The following KANTR variants were observed in gnomAD, a reference collection of about 807,000 sequenced individuals.
KANTR encodes KDM5C adjacent transcript.
intron 2 of KANTR, among the ~76,000 whole-genome samples, chrX:53,115,069 G>A (rs1259429819): frequency 4.5e-5 from 5 of 112,231 alleles, no homozygotes; most frequent in African/African-American, 6.5e-5. Context: ...CTGAAGGGTG[G>A]GGCCACAGAG....
chrX:53,147,516 A>G (rs1444252692), downstream of KANTR, among the ~76,000 whole-genome samples: 33 of 111,288 alleles, frequency 3.0e-4, no homozygotes, highest in Middle Eastern at 4.7e-3. Flanking sequence ...CACAATAATA[A>G]TGGGAGACTT....
At chrX:53,127,187 C>G (rs782224387) in exon 3 of KANTR, 1 of 112,389 alleles carries the variant, frequency 8.9e-6, no homozygotes, top group Non-Finnish European at 1.9e-5. Context: ...GTTTCCTGAT[C>G]AACATATCTA....
Position 53,134,383 on chromosome X carries a change from C to T in KANTR, n.204-7465C>T, listed in dbSNP as rs73490256. 2.6e-3 allele frequency among the ~76,000 whole-genome samples: 292 copies of T among 110,307 alleles called. 1 individual carries two copies. Among genetic ancestry groups the T allele is most frequent in the African/African-American group, 9.0e-3 (273 of 30,311 alleles). ...GTCTCAAAAAAAAAAAAAATTTTTC[C>T]GCAAAAATCGAGGAAATGAGAACAT... On this transcript the variant is annotated intron_variant and non_coding_transcript_variant, in intron 2 of 2. Transcript: ENST00000366185.
At chrX:53,128,223 T>C (rs1419947993), downstream of KANTR, among the ~76,000 whole-genome samples, 2 of 111,578 alleles carry the variant, frequency 1.8e-5, no homozygotes, top group African/African-American at 3.3e-5. Flanking sequence ...ATAAGTTCAG[T>C]TGAGCAAAAT....
chrX:53,127,007 TCTC>T (rs1933298047), exon 3 of KANTR: 1 of 111,376 alleles, frequency 9.0e-6, no homozygotes, highest in African/African-American at 3.3e-5. Context: ...CACTCACTCT[TCTC>T]CAGCTACACT....
chrX:53,144,166 G>C (rs1199123161), downstream of KANTR, among the ~76,000 whole-genome samples: 1 of 111,723 alleles, frequency 9.0e-6, no homozygotes, highest in Admixed American at 9.5e-5. Flanking sequence ...AGGCCGAGGA[G>C]GGTGGATTAG....
chrX:53,130,126 C>T (rs1471585744), downstream of KANTR, among the ~76,000 whole-genome samples: 1 of 111,648 alleles, frequency 9.0e-6, no homozygotes, highest in African/African-American at 3.3e-5. Context: ...CTTGGCCTCC[C>T]AAAGTGCTGG....
At chrX:53,130,762 G>C (rs1483656921), downstream of KANTR, among the ~76,000 whole-genome samples, 1 of 111,574 alleles carries the variant, frequency 9.0e-6, no homozygotes, top group Non-Finnish European at 1.9e-5. Context: ...AGTATATCCT[G>C]CCCTGTGTGT....
At chrX:53,131,179 C>T (rs965854227), downstream of KANTR, among the ~76,000 whole-genome samples, 3 of 110,855 alleles carry the variant, frequency 2.7e-5, no homozygotes, top group South Asian at 1.1e-3. Context: ...TCTAAATTTT[C>T]TTTGACCCTC....
chrX:53,109,562 G>A (rs782525710), intron 2 of KANTR, among the ~76,000 whole-genome samples: 1 of 112,322 alleles, frequency 8.9e-6, no homozygotes, highest in African/African-American at 3.2e-5. Flanking sequence ...GGGATTACAG[G>A]CGTGAGCCAC....
chrX:53,114,293 G>A (rs1203867510), intron 2 of KANTR, among the ~76,000 whole-genome samples: 1 of 112,645 alleles, frequency 8.9e-6, no homozygotes, highest in African/African-American at 3.2e-5. Flanking sequence ...CAGTCTGCCC[G>A]CCTCGGCCTC....
At chrX:53,145,874 T>TA (rs1488607642), downstream of KANTR, among the ~76,000 whole-genome samples, 2 of 112,271 alleles carry the variant, frequency 1.8e-5, no homozygotes, top group African/African-American at 6.5e-5. Context: ...CTGCTGCTGA[T>TA]ACCCAGGCAA....
intron 1 of KANTR, among the ~76,000 whole-genome samples, chrX:53,097,896 C>A (rs1478650302): frequency 1.9e-5 from 2 of 104,543 alleles, no homozygotes; most frequent in Non-Finnish European, 3.9e-5. Context: ...ACTAAAAATA[C>A]AAAAATTAGC....
chrX:53,105,944 G>A (rs1389078464), intron 2 of KANTR, among the ~76,000 whole-genome samples: 1 of 91,332 alleles, frequency 1.1e-5, no homozygotes, highest in Non-Finnish European at 2.1e-5. Context: ...TGCAAGCTCC[G>A]CCTCCTGGGT....
At chrX:53,138,938 GCA>G (rs1933462377) in intron 2 of KANTR, among the ~76,000 whole-genome samples, 1 of 110,512 alleles carries the variant, frequency 9.0e-6, no homozygotes, top group Admixed American at 9.7e-5. Context: ...TAGGGGCCAG[GCA>G]CAGTGTCTCA....
intron 2 of KANTR, among the ~76,000 whole-genome samples, chrX:53,107,703 T>A (rs782155507): frequency 7.3e-5 from 8 of 109,674 alleles, no homozygotes; most frequent in Middle Eastern, 4.7e-3. Context: ...TTTTAATTTT[T>A]AAAAATTTTT....
At chrX:53,120,475 A>G (rs910072000) in intron 2 of KANTR, among the ~76,000 whole-genome samples, 1 of 111,683 alleles carries the variant, frequency 9.0e-6, no homozygotes, top group African/African-American at 3.3e-5. Flanking sequence ...AGAGCCTGAC[A>G]TAGCTCTCTA....
At chrX:53,117,421 T>C (rs1187556146) in intron 2 of KANTR, among the ~76,000 whole-genome samples, 1 of 110,769 alleles carries the variant, frequency 9.0e-6, no homozygotes, top group Non-Finnish European at 1.9e-5. Context: ...ATCCCATTCC[T>C]CACCCTCCCC....
intron 2 of KANTR, among the ~76,000 whole-genome samples, chrX:53,133,220 A>G (rs1933381147): frequency 9.1e-6 from 1 of 109,902 alleles, no homozygotes; most frequent in Non-Finnish European, 1.9e-5. Flanking sequence ...ATACAAAATT[A>G]GCCAAATGTG....
Sources: gnomAD v4.1 joint callset for allele counts (sites outside exome capture counted in the v4.1 genomes callset) on GRCh38, gnomAD v4.1.1 for gene constraint, MANE v1.5 for transcripts, NCBI Gene and HGNC (gene_info 2026-07-23, HGNC 2026-07-21) for gene names.